Variants in DNAH8 observed in about 807,000 individuals in gnomAD.
DNAH8 encodes dynein axonemal heavy chain 8, also known as axonemal beta dynein heavy chain 8.
A neutral mutation model predicts 562.1 loss-of-function variants in DNAH8; 382 were observed. The observed-to-expected ratio is 0.68, with a 90% CI of 0.63 to 0.74. The LOEUF (loss-of-function observed/expected upper bound fraction) is 0.74, where lower values mean the gene tolerates loss of function less well. Ranked by LOEUF, DNAH8 falls within the 30% of genes least tolerant of loss-of-function variation. The pLI is 0.00. For synonymous variants in DNAH8, 1,881 were observed against 1,919.4 expected (o/e 0.98, Z 0.52); for missense variants, 5,203 against 5,620.4 (o/e 0.93, Z 2.37).
At chr6:38,969,884 C>A (rs1763222502) in intron 82 of DNAH8, among the ~76,000 whole-genome samples, 1 of 152,004 alleles carries the variant, frequency 6.6e-6, no homozygotes, top group South Asian at 2.1e-4. Flanking sequence ...GCTTGAGAGA[C>A]CCCTCTGGCT....
chr6:38,825,952 G>A lies in DNAH8; in HGVS notation c.3848-204G>A, dbSNP rs1337648820. 2.6e-5 allele frequency among the ~76,000 whole-genome samples: 4 copies of A among 152,118 alleles called. No individual in the cohort carries two copies. The East Asian group carries it at 7.7e-4, about 29-fold the overall frequency. On this transcript the variant is annotated intron_variant, in intron 28 of 92. Transcript: ENST00000327475. ...GTGTCAAACTCATGCACATTTCCAC[G>A]GGGATACATGCTCTGTGGGACAGGA... is the stretch of plus-strand genomic sequence containing the variant.
rs988268253 is a variant in DNAH8 at position 38,967,374 on chromosome 6, A to G, written c.12452-4218A>G. 3.3e-5 allele frequency among the ~76,000 whole-genome samples: 5 copies of G among 152,272 alleles called. No individual in the cohort carries two copies. The East Asian group carries it at 7.7e-4, about 24-fold the overall frequency. On this transcript the variant is annotated intron_variant, in intron 82 of 92. Transcript: ENST00000327475. ...CTATGATTGTGACATGAATTTGTGCATAAAAAATTATAAGTTGTTTACCAA... is the reference window on the plus strand; with the variant it reads ...CTATGATTGTGACATGAATTTGTGCGTAAAAAATTATAAGTTGTTTACCAA...
At position 39,006,285 on chromosome 6, in the gene DNAH8, G is replaced by T. The variant is rs560753028; in HGVS notation, c.13215-2529G>T. On this transcript the variant is annotated intron_variant, in intron 88 of 92. Coordinates refer to ENST00000327475, the MANE Select transcript of DNAH8 (RefSeq NM_001206927.2). ...GTTATAGCAGCAATAAATAGTATAG[G>T]TTTTAAGTTTTAGTTATGTTTTATT... Among the ~76,000 whole-genome samples, 3 of 152,276 alleles carry T rather than the reference G, an allele frequency of 2.0e-5. No homozygotes were observed. The East Asian group carries it at 5.8e-4, about 29-fold the overall frequency.
chr6:38,745,180 C>T (rs1395204007), intron 8 of DNAH8, among the ~76,000 whole-genome samples: 2 of 152,150 alleles, frequency 1.3e-5, no homozygotes, highest in Non-Finnish European at 2.9e-5. Flanking sequence ...TGTAACACAA[C>T]CTACTGCAGG....
At chr6:38,907,394 A>G (rs946276335) in intron 63 of DNAH8, among the ~76,000 whole-genome samples, 4 of 152,222 alleles carry the variant, frequency 2.6e-5, no homozygotes, top group Non-Finnish European at 4.4e-5. Flanking sequence ...CCTAGAAGGA[A>G]AGCAGATAGA....
rs776430270 is a variant in DNAH8, at chr6:38,790,393, A to G, written c.2769A>G (p.Gln923=). The G allele has an allele frequency of 2.6e-6, 4 of 1,538,632 alleles. No individual in the cohort carries two copies. Among genetic ancestry groups the G allele is most frequent in the Non-Finnish European group, 3.6e-6 (4 of 1,119,000 alleles). The part of the protein sequence containing the change: ...EVELVLDMFN[Q]LLKKISDLCE... ...AATTAGTTTTGGATATGTTCAATCA[A>G]CTTTTAAAGAAGGTATGATCTATAC... The change falls in exon 20 of 93, where the codon CAA becomes CAG. Residue 923 remains glutamine (Q), a synonymous_variant. Coordinates refer to ENST00000327475, the MANE Select transcript of DNAH8 (RefSeq NM_001206927.2).
At chr6:38,846,004 A>C (rs1197883818) in intron 36 of DNAH8, among the ~76,000 whole-genome samples, 1 of 151,772 alleles carries the variant, frequency 6.6e-6, no homozygotes, top group Non-Finnish European at 1.5e-5. Flanking sequence ...CCCCATCCTA[A>C]TTATTCCTCC....
In DNAH8 at chr6:38,737,065, A is replaced by G. The variant is rs771468991; in HGVS notation, c.763-2A>G. 6.6e-7 allele frequency: 1 copy of G among 1,512,604 alleles called. No homozygotes were observed. Among genetic ancestry groups the G allele is most frequent in the Non-Finnish European group, 8.8e-7 (1 of 1,138,028 alleles). The allele number at this position is 1,512,604 out of a possible 1,614,324, so 93.7% of individuals were successfully genotyped here. The stretch of plus-strand genomic sequence containing the variant: ...AATAACATTTAAACTCCACCCTTTC[A>G]GGAAGCGCTCTTTACTGTTCTGGAT... On this transcript the variant is annotated splice_acceptor_variant, in intron 5 of 92. Transcript: ENST00000327475. LOFTEE classifies it high-confidence loss of function.
At chr6:38,749,760 C>T (rs554520596) in intron 8 of DNAH8, among the ~76,000 whole-genome samples, 67 of 152,322 alleles carry the variant, frequency 4.4e-4, no homozygotes, top group Non-Finnish European at 5.6e-4. Context: ...TTGATGACCA[C>T]TTACAAGAAA....
chr6:38,874,469 G>C (rs545201933), intron 52 of DNAH8, among the ~76,000 whole-genome samples: 6 of 151,252 alleles, frequency 4.0e-5, no homozygotes, highest in Middle Eastern at 6.8e-3. Context: ...TCCTGGGCTC[G>C]AGCTGTCCTC....
intron 4 of DNAH8, 31 bp from the exon 5 acceptor site, chr6:38,734,443 T>C: frequency 6.2e-7 from 1 of 1,607,722 alleles, no homozygotes; most frequent in East Asian, 2.3e-5. Context: ...GTTGTGTGAT[T>C]ATACGCTAAG....
chr6:38,792,032 A>G (rs1429183719), intron 21 of DNAH8, among the ~76,000 whole-genome samples: 1 of 152,096 alleles, frequency 6.6e-6, no homozygotes, highest in Non-Finnish European at 1.5e-5. Flanking sequence ...GGAATCATCT[A>G]GACTTCTTTC....
At position 38,812,553 on chromosome 6, in the gene DNAH8, T is replaced by C. The variant is rs534472689; in HGVS notation, c.3258-1501T>C. Among the ~76,000 whole-genome samples, 5 of 152,312 alleles carry C rather than the reference T, an allele frequency of 3.3e-5. No homozygotes were observed. The East Asian group carries it at 9.6e-4, about 29-fold the overall frequency. ...ACAGAGGCTGCTCCATTGGCTTCTTTGGTTTCAGTTTTTAGAGGAGAGTTC... is the reference window on the plus strand; with the variant it reads ...ACAGAGGCTGCTCCATTGGCTTCTTCGGTTTCAGTTTTTAGAGGAGAGTTC... On this transcript the variant is annotated intron_variant, in intron 24 of 92. Transcript: ENST00000327475.
At chr6:39,016,929 C>G (rs1766609960) in intron 91 of DNAH8, among the ~76,000 whole-genome samples, 1 of 152,190 alleles carries the variant, frequency 6.6e-6, no homozygotes, top group Non-Finnish European at 1.5e-5. Flanking sequence ...GATATTTTGT[C>G]TGTCATATTT....
chr6:38,917,260 G>A lies in DNAH8; in HGVS notation c.10162G>A (p.Ala3388Thr). 6.2e-7 allele frequency: 1 copy of A among 1,612,070 alleles called. No homozygotes were observed. The highest frequency in any genetic ancestry group is 8.5e-7 in the Non-Finnish European group (1 of 1,179,048). The change falls in exon 69 of 93, where the codon GCC becomes ACC. Residue 3388 changes from alanine (A) to threonine (T), a missense_variant. Coordinates refer to ENST00000327475, the MANE Select transcript of DNAH8 (RefSeq NM_001206927.2). ...ALNTIKPNDI[A>T]TVRKLAKPPH... ...ATAGACTATCAAGCCAAATGATATT[G>A]CCACAGTCAGGAAACTTGCAAAACC...
rs143020744 is a variant in DNAH8, at chr6:38,769,146, TGAGTTG to T, written c.1618-1263_1618-1258del. On this transcript the variant is annotated intron_variant, in intron 11 of 92. Transcript: ENST00000327475. ...ATACTTTTTAGGAATAATTTTTGGA[TGAGTTG>T]GAGGAAACAATGAGAATTGTTACTC... is the stretch of plus-strand genomic sequence containing the variant. Among the ~76,000 whole-genome samples the T allele has an allele frequency of 9.7e-3, 1,476 of 152,344 alleles. 19 individuals carry two copies. Among genetic ancestry groups the T allele is most frequent in the African/African-American group, 0.033 (1,385 of 41,574 alleles).
At chr6:38,958,414 G>GA (rs35615279) in intron 82 of DNAH8, among the ~76,000 whole-genome samples, 23,274 of 130,914 alleles carry the variant, frequency 0.18, 2,420 homozygotes, top group East Asian at 0.52. Flanking sequence ...GATATGACTG[G>GA]AAAAAAAAAA....
chr6:38,918,375 A>G (rs1192603051), intron 70 of DNAH8, among the ~76,000 whole-genome samples: 2 of 152,212 alleles, frequency 1.3e-5, no homozygotes, highest in Non-Finnish European at 2.9e-5. Context: ...TACACAGGAA[A>G]TGAATTTCTT....
intron 72 of DNAH8, 151 bp downstream of exon 72, chr6:38,923,336 T>C (rs572714162): frequency 1.0e-4 from 91 of 900,394 alleles, no homozygotes; most frequent in Admixed American, 5.5e-4. Context: ...CTATAGAGGG[T>C]GAAGAAGATT....
Sources: allele counts gnomAD v4.1 joint callset (sites outside exome capture counted in the v4.1 genomes callset), GRCh38; gene constraint gnomAD v4.1.1; transcripts MANE v1.5; gene names NCBI Gene and HGNC (gene_info 2026-07-23, HGNC 2026-07-21).